DLGAP2: variants seen among roughly 807,000 people sequenced by gnomAD.
DLGAP2 encodes DLG associated protein 2.
In DLGAP2, 26 loss-of-function variants were observed where a neutral mutation model predicts 100.3. The ratio of observed to expected loss-of-function variants is 0.26; its 90% CI spans 0.19 to 0.36. The LOEUF (loss-of-function observed/expected upper bound fraction) is 0.36, where lower values mean the gene tolerates loss of function less well. DLGAP2 is among the 10% of genes least tolerant of loss of function. The pLI, the probability that DLGAP2 is intolerant of heterozygous loss-of-function variation, is 1.00. For synonymous variants in DLGAP2, 886 were observed against 630.1 expected (o/e 1.41, Z -6.08); for missense variants, 1,858 against 1,453.2 (o/e 1.28, Z -4.53).
At chr8:775,159 T>C (rs1158509388) in intron 1 of DLGAP2, among the ~76,000 whole-genome samples, 1 of 151,804 alleles carries the variant, frequency 6.6e-6, no homozygotes, top group Non-Finnish European at 1.5e-5. Context: ...TTGTCTGTTA[T>C]TGGTGTATAA....
At chr8:872,900 C>T (rs1202396029) in intron 1 of DLGAP2, among the ~76,000 whole-genome samples, 1 of 152,172 alleles carries the variant, frequency 6.6e-6, no homozygotes, top group African/African-American at 2.4e-5. Context: ...CCCACAGATA[C>T]GCAGATCCAC....
chr8:1,565,888 A>C lies in DLGAP2; in HGVS notation c.1436A>C (p.His479Pro). The change falls in exon 6 of 15, where the codon CAC (histidine) becomes CCC (proline). Residue 479 changes from histidine to proline, a missense_variant. His to Pro is a moderately conservative substitution (Grantham distance 77). Transcript: ENST00000637795. ...ATCGGACAGAGACCGCTTGGAGAGC[A>C]CCAGACGTAAGTGAGACCAGCTGCC... ...KSIGQRPLGE[H>P]QTQTYLQAAS... The C allele has an allele frequency of 6.2e-7, 1 of 1,602,114 alleles. No individual in the cohort carries two copies. Among genetic ancestry groups the C allele is most frequent in the Non-Finnish European group, 8.5e-7 (1 of 1,174,668 alleles).
At chr8:1,502,027 G>C (rs1044864785) in intron 4 of DLGAP2, among the ~76,000 whole-genome samples, 2 of 152,212 alleles carry the variant, frequency 1.3e-5, no homozygotes, top group African/African-American at 2.4e-5. Context: ...ACAAGAACAA[G>C]GCCCAATGCT....
rs374410679 is a variant in DLGAP2 at position 867,523 on chromosome 8, C to T, written c.19-40389C>T. Among the ~76,000 whole-genome samples the T allele has an allele frequency of 3.3e-4, 51 of 152,302 alleles. 1 individual carries two copies. The South Asian group carries it at 0.01, about 31-fold the overall frequency. On this transcript the variant is annotated intron_variant, in intron 1 of 14. Transcript: ENST00000637795. ...AAGGGGAACAGTGTTGTGATTATGT[C>T]ATTACGTGGCTTTCTCTATGCTGCA...
At chr8:1,030,391 C>G (rs1801939579) in intron 2 of DLGAP2, among the ~76,000 whole-genome samples, 1 of 152,028 alleles carries the variant, frequency 6.6e-6, no homozygotes. Flanking sequence ...TCAAACATAC[C>G]AAGGCTTTGA....
Position 1,324,111 on chromosome 8 carries a change from G to A in DLGAP2, c.106+65228G>A, listed in dbSNP as rs183502596. 6.6e-5 allele frequency among the ~76,000 whole-genome samples: 10 copies of A among 152,260 alleles called. No homozygotes were observed. The East Asian group carries it at 9.6e-4, about 15-fold the overall frequency. Reference sequence around the variant, plus strand: ...CCTCTGGCTTAGTGAAATAAGAAGCGTCCATTGAAGGGGGAGGAAGACGAC... The same window carrying A: ...CCTCTGGCTTAGTGAAATAAGAAGCATCCATTGAAGGGGGAGGAAGACGAC... On this transcript the variant is annotated intron_variant, in intron 3 of 14. Coordinates refer to ENST00000637795, the MANE Select transcript of DLGAP2 (RefSeq NM_001346810.2).
intron 2 of DLGAP2, among the ~76,000 whole-genome samples, chr8:1,203,290 C>T (rs187095805): frequency 5.6e-4 from 84 of 149,256 alleles, no homozygotes; most frequent in African/African-American, 1.9e-3. Context: ...GCCCACCCCT[C>T]GGTGTTAGAA....
intron 3 of DLGAP2, among the ~76,000 whole-genome samples, chr8:1,337,694 AACAG>A (rs1801320934): frequency 1.3e-5 from 2 of 152,280 alleles, no homozygotes; most frequent in Non-Finnish European, 2.9e-5. Context: ...CAAGGATAAA[AACAG>A]ACAAACTTTA....
At position 877,451 on chromosome 8, in the gene DLGAP2, A is replaced by G. The variant is rs555350428; in HGVS notation, c.19-30461A>G. On this transcript the variant is annotated intron_variant, in intron 1 of 14. Transcript: ENST00000637795. Reference sequence around the variant, plus strand: ...GGTGTGACCCCCTTACCTGGTTGACAGTGGTATGGGCAGGCTTTCTTCCTC... The same window carrying G: ...GGTGTGACCCCCTTACCTGGTTGACGGTGGTATGGGCAGGCTTTCTTCCTC... 2.4e-3 allele frequency among the ~76,000 whole-genome samples: 371 copies of G among 152,328 alleles called. 1 individual carries two copies. Among genetic ancestry groups the G allele is most frequent in the African/African-American group, 8.6e-3 (356 of 41,578 alleles).
intron 1 of DLGAP2, among the ~76,000 whole-genome samples, chr8:837,773 G>C (rs1170906136): frequency 6.6e-6 from 1 of 150,514 alleles, no homozygotes; most frequent in Non-Finnish European, 1.5e-5. Flanking sequence ...CTGGAGTGCA[G>C]TGGTGCGATC....
intron 8 of DLGAP2, 86 bp from the exon 9 acceptor site, chr8:1,668,243 C>T (rs1798594128): frequency 7.8e-7 from 1 of 1,289,994 alleles, no homozygotes; most frequent in Admixed American, 3.0e-5. Flanking sequence ...CTCCGTCAAC[C>T]ACAGGGCATG....
At chr8:1,541,379 A>G (rs1169427695) in intron 4 of DLGAP2, among the ~76,000 whole-genome samples, 1 of 152,204 alleles carries the variant, frequency 6.6e-6, no homozygotes, top group African/African-American at 2.4e-5. Flanking sequence ...ATGTAAGACA[A>G]GGCAGAGCAT....
At chr8:787,067 C>A (rs1821885674) in intron 1 of DLGAP2, among the ~76,000 whole-genome samples, 1 of 152,172 alleles carries the variant, frequency 6.6e-6, no homozygotes, top group Non-Finnish European at 1.5e-5. Flanking sequence ...AAAGAAGCCA[C>A]AGAACTTGGA....
At chr8:911,357 G>T (rs1798481085) in intron 2 of DLGAP2, among the ~76,000 whole-genome samples, 1 of 151,842 alleles carries the variant, frequency 6.6e-6, no homozygotes, top group African/African-American at 2.4e-5. Flanking sequence ...TACATTGGGA[G>T]GATATGTGTA....
chr8:1,216,347 T>C (rs367988210), intron 2 of DLGAP2, among the ~76,000 whole-genome samples: 6 of 152,036 alleles, frequency 3.9e-5, no homozygotes, highest in Admixed American at 2.0e-4. Context: ...TCAGGCTCTG[T>C]CCTAATTGTT....
intron 2 of DLGAP2, among the ~76,000 whole-genome samples, chr8:1,144,061 T>C (rs7011523): frequency 1 from 152,348 of 152,352 alleles, 76,172 homozygotes; most frequent in Middle Eastern, 1. Context: ...ACCGCTTGTT[T>C]CCTCCATTGC....
At chr8:1,188,851 C>G (rs538012428) in intron 2 of DLGAP2, among the ~76,000 whole-genome samples, 1 of 152,224 alleles carries the variant, frequency 6.6e-6, no homozygotes, top group Non-Finnish European at 1.5e-5. Flanking sequence ...AATGACTTGT[C>G]ACTCCAAAAA....
At chr8:842,564 C>T (rs1249749058) in intron 1 of DLGAP2, among the ~76,000 whole-genome samples, 1 of 152,160 alleles carries the variant, frequency 6.6e-6, no homozygotes, top group South Asian at 2.1e-4. Context: ...GGTACATGGT[C>T]GTTCTTTCAA....
intron 2 of DLGAP2, among the ~76,000 whole-genome samples, chr8:1,190,437 G>A (rs564705359): frequency 1.4e-4 from 18 of 125,978 alleles, no homozygotes; most frequent in Admixed American, 4.0e-4. Context: ...TGGGGCATCT[G>A]CTGTTGGAGT....
Sources: allele counts gnomAD v4.1 joint callset (sites outside exome capture counted in the v4.1 genomes callset), GRCh38; gene constraint gnomAD v4.1.1; transcripts MANE v1.5; gene names NCBI Gene and HGNC (gene_info 2026-07-23, HGNC 2026-07-21).